Variants in ACER2 observed in about 807,000 individuals in gnomAD.
ACER2 encodes alkaline ceramidase 2, also known as alkCDase 2.
Under a neutral mutation model 34.7 loss-of-function variants are expected in ACER2, and 26 were observed. The observed-to-expected ratio is 0.75, with a 90% CI of 0.55 to 1.04. The LOEUF (loss-of-function observed/expected upper bound fraction) is 1.04. ACER2 is among the 50% of genes least tolerant of loss of function. The probability of loss-of-function intolerance (pLI) is 0.00; values close to 1 mark genes in which losing one functional copy is unlikely to be tolerated. For missense variants in ACER2, 352 were observed against 340.8 expected, an observed-to-expected ratio of 1.03 and a Z score of -0.26; for synonymous variants, 138 against 132.1, an observed-to-expected ratio of 1.04 and a Z score of -0.31.
chr9:19,424,052 C>G (rs1830490292), intron 2 of ACER2, 76 bp downstream of exon 2: 1 of 1,223,412 alleles, frequency 8.2e-7, no homozygotes, highest in Non-Finnish European at 1.2e-6. Flanking sequence ...CACACTTCCT[C>G]TCCCCTTTGA....
chr9:19,445,170 C>G (rs1003789668), intron 4 of ACER2, among the ~76,000 whole-genome samples: 1 of 152,232 alleles, frequency 6.6e-6, no homozygotes, highest in Admixed American at 6.5e-5. Context: ...GTGTTCGTCC[C>G]CAGGGGTAGA....
At chr9:19,412,262 A>G (rs1830107685) in intron 1 of ACER2, among the ~76,000 whole-genome samples, 1 of 152,224 alleles carries the variant, frequency 6.6e-6, no homozygotes, top group Admixed American at 6.5e-5. Context: ...TAAAAAATTT[A>G]GAGTATGTAA....
At chr9:19,427,265 T>G (rs892046006) in intron 3 of ACER2, among the ~76,000 whole-genome samples, 1 of 152,086 alleles carries the variant, frequency 6.6e-6, no homozygotes, top group Non-Finnish European at 1.5e-5. Context: ...GAGAGGAGAG[T>G]TCTGCCTAGC....
chr9:19,438,733 T>C (rs1311244958), intron 4 of ACER2, among the ~76,000 whole-genome samples: 2 of 152,242 alleles, frequency 1.3e-5, no homozygotes, highest in African/African-American at 2.4e-5. Context: ...AATAATATGT[T>C]TTAGCTTATA....
chr9:19,414,845 C>CAA (rs34308694), intron 1 of ACER2, among the ~76,000 whole-genome samples: 17,669 of 111,604 alleles, frequency 0.16, 1,205 homozygotes, highest in South Asian at 0.28. Flanking sequence ...GACTCCGCCT[C>CAA]AAAAAAAAAA....
intron 4 of ACER2, among the ~76,000 whole-genome samples, chr9:19,442,332 C>T (rs1331831153): frequency 6.6e-6 from 1 of 152,164 alleles, no homozygotes; most frequent in African/African-American, 2.4e-5. Context: ...TTTGTCCGCC[C>T]TTTTTCACTT....
intron 1 of ACER2, among the ~76,000 whole-genome samples, chr9:19,412,656 CA>C (rs59209941): frequency 0.11 from 10,524 of 91,774 alleles, 616 homozygotes; most frequent in African/African-American, 0.24. Context: ...GATTCTGTCT[CA>C]AAAAAAAAAA....
intron 1 of ACER2, among the ~76,000 whole-genome samples, chr9:19,420,976 A>G (rs1830387497): frequency 6.6e-6 from 1 of 152,210 alleles, no homozygotes; most frequent in Admixed American, 6.5e-5. Flanking sequence ...TTGTCATTCT[A>G]TAACATTATA....
intron 1 of ACER2, among the ~76,000 whole-genome samples, chr9:19,410,676 C>A (rs542540854): frequency 5.5e-4 from 83 of 152,208 alleles, no homozygotes; most frequent in Non-Finnish European, 9.7e-4. Context: ...CGCCACTCCA[C>A]TCCAGCCTGG....
At chr9:19,428,079 T>TTC (rs537498524) in intron 3 of ACER2, among the ~76,000 whole-genome samples, 13 of 139,880 alleles carry the variant, frequency 9.3e-5, no homozygotes, top group South Asian at 2.3e-4. Flanking sequence ...TTTCCTTTCC[T>TTC]TCTCTCTCTC....
chr9:19,413,117 A>C (rs1298836575), intron 1 of ACER2, among the ~76,000 whole-genome samples: 1 of 152,222 alleles, frequency 6.6e-6, no homozygotes, highest in Non-Finnish European at 1.5e-5. Context: ...TTGGGCATAC[A>C]AAACATTTTG....
intron 1 of ACER2, 31 bp from the exon 2 acceptor site, chr9:19,423,831 C>A: frequency 1.3e-6 from 2 of 1,554,092 alleles, no homozygotes. Context: ...ACTTAATACT[C>A]ATCTTTCTGT....
intron 4 of ACER2, among the ~76,000 whole-genome samples, chr9:19,438,129 C>T (rs540881131): frequency 9.8e-5 from 15 of 152,298 alleles, no homozygotes; most frequent in Non-Finnish European, 1.3e-4. Context: ...GGTCTCAGTT[C>T]AGGCTTTTAC....
chr9:19,430,662 A>C (rs1830722608), intron 3 of ACER2, among the ~76,000 whole-genome samples: 1 of 152,248 alleles, frequency 6.6e-6, no homozygotes, highest in South Asian at 2.1e-4. Flanking sequence ...CTCCCTAAAG[A>C]AAGCATGTTT....
intron 3 of ACER2, among the ~76,000 whole-genome samples, 199 bp downstream of exon 3, chr9:19,425,040 G>T (rs922074222): frequency 6.6e-6 from 1 of 152,166 alleles, no homozygotes; most frequent in African/African-American, 2.4e-5. Flanking sequence ...TTTTAATAAT[G>T]CAGAGTGCAT....
At chr9:19,440,186 C>T (rs1831110175) in intron 4 of ACER2, among the ~76,000 whole-genome samples, 1 of 152,202 alleles carries the variant, frequency 6.6e-6, no homozygotes. Context: ...ATGTTCTTTG[C>T]CATGGCTCCT....
At chr9:19,432,387 C>T (rs1486525043) in intron 3 of ACER2, among the ~76,000 whole-genome samples, 1 of 152,082 alleles carries the variant, frequency 6.6e-6, no homozygotes. Flanking sequence ...TACATGTTCA[C>T]TTTGTAGAAC....
intron 4 of ACER2, among the ~76,000 whole-genome samples, chr9:19,436,300 G>A (rs1563886143): frequency 6.6e-6 from 1 of 151,910 alleles, no homozygotes; most frequent in East Asian, 1.9e-4. Flanking sequence ...CACTAATGAC[G>A]TTTTTTAAAA....
At chr9:19,431,579 G>T (rs531707097) in intron 3 of ACER2, among the ~76,000 whole-genome samples, 1 of 152,204 alleles carries the variant, frequency 6.6e-6, no homozygotes, top group Non-Finnish European at 1.5e-5. Context: ...GGCCCTGCAC[G>T]TGATGGCTGT....
Sources: allele counts gnomAD v4.1 joint callset (sites outside exome capture counted in the v4.1 genomes callset), GRCh38; gene constraint gnomAD v4.1.1; transcripts MANE v1.5; gene names NCBI Gene and HGNC (gene_info 2026-07-23, HGNC 2026-07-21).